ABCA5: variants seen among roughly 807,000 people sequenced by gnomAD.
ABCA5 encodes the protein ATP binding cassette subfamily A member 5, also known as cholesterol transporter ABCA5.
Under a neutral mutation model 206.0 loss-of-function variants are expected in ABCA5, and 163 were observed. The ratio of observed to expected loss-of-function variants is 0.79; its 90% CI spans 0.70 to 0.90. The LOEUF (loss-of-function observed/expected upper bound fraction) is 0.90. Ranked by LOEUF, ABCA5 falls within the 40% of genes least tolerant of loss-of-function variation. ABCA5 has a pLI of 0.00. For missense variants in ABCA5, 1,859 were observed against 1,912.9 expected, an observed-to-expected ratio of 0.97 and a Z score of 0.53; for synonymous variants, 609 against 613.8, an observed-to-expected ratio of 0.99 and a Z score of 0.11.
chr17:69,256,186 C>G lies in ABCA5; in HGVS notation c.3829G>C (p.Glu1277Gln), dbSNP rs1043644485. ...DVKAERLKVKELMGCQCCEEK... is the reference protein window; with the variant it reads ...DVKAERLKVKQLMGCQCCEEK... ...TCACAACACTGGCAACCCATCAGCTCTTTGACCTTTAGTCTTTCAGCTTTG... is the reference window on the plus strand; with the variant it reads ...TCACAACACTGGCAACCCATCAGCTGTTTGACCTTTAGTCTTTCAGCTTTG... Residue 1277 changes from glutamate (E) to glutamine (Q), a missense_variant, in exon 29 of 39, where the codon GAG becomes CAG. Physicochemically the swap from Glu to Gln is conservative, Grantham distance 29. Coordinates refer to ENST00000392676, the MANE Select transcript of ABCA5 (RefSeq NM_172232.4). 2 of 1,609,240 alleles carry G rather than the reference C, an allele frequency of 1.2e-6. No homozygotes were observed. The highest frequency in any genetic ancestry group is 3.4e-5 in the Admixed American group (2 of 59,610).
chr17:69,256,387 A>T, intron 28 of ABCA5, 104 bp from the exon 29 acceptor site: 1 of 621,468 alleles, frequency 1.6e-6, no homozygotes, highest in Non-Finnish European at 2.5e-6. Flanking sequence ...ATACACTAAC[A>T]TAAGATCTAG....
Position 69,250,455 on chromosome 17 carries a change from A to T in ABCA5, c.4685+17T>A, listed in dbSNP as rs770941358. On this transcript the variant is annotated intron_variant, in intron 36 of 38. Transcript: ENST00000392676. ...TTGCTCTATAAAGAAATATAACCAC[A>T]TTCTTTAAAATTTTACCTTTCCTGA... 1.3e-6 allele frequency: 2 copies of T among 1,594,244 alleles called. No individual in the cohort carries two copies. The highest frequency in any genetic ancestry group is 3.7e-5 in the Admixed American group (2 of 54,578).
At chr17:69,265,965 A>G (rs1191557433) in intron 23 of ABCA5, among the ~76,000 whole-genome samples, 3 of 152,212 alleles carry the variant, frequency 2.0e-5, no homozygotes, top group Non-Finnish European at 2.9e-5. Flanking sequence ...GTTTACACAA[A>G]ACCTGTATGC....
intron 2 of ABCA5, 29 bp from the exon 3 acceptor site, chr17:69,313,325 A>C: frequency 1.9e-6 from 2 of 1,071,708 alleles, no homozygotes; most frequent in Non-Finnish European, 2.6e-6. Context: ...AGTAATTACA[A>C]AGTATAACAA....
intron 1 of ABCA5, among the ~76,000 whole-genome samples, chr17:69,319,149 A>G (rs572203264): frequency 9.2e-5 from 14 of 152,204 alleles, no homozygotes; most frequent in Non-Finnish European, 1.9e-4. Flanking sequence ...AAGAGTTGAT[A>G]ATAGGAGGGA....
In ABCA5 at chr17:69,246,994, C is replaced by G. The variant is rs1250688795; in HGVS notation, c.*543G>C. The G allele has an allele frequency of 3.9e-5, 6 of 151,982 alleles. No individual in the cohort carries two copies. The highest frequency in any genetic ancestry group is 3.9e-4 in the Admixed American group (6 of 15,254). 9.4% of individuals were successfully genotyped at this position (151,982 alleles called of 1,614,324 possible). A position where few individuals can be genotyped will look rare whatever the true frequency, so the allele number is the denominator to read the frequency against. ...AATGACTGCCACCTAGTGGATATAACTTTCCTCAAATCTCTATATTGAGAT... is the reference window on the plus strand; with the variant it reads ...AATGACTGCCACCTAGTGGATATAAGTTTCCTCAAATCTCTATATTGAGAT... On this transcript the variant is annotated 3_prime_UTR_variant, in exon 39 of 39. Transcript: ENST00000392676.
In ABCA5 at chr17:69,289,998, T is replaced by C. The variant is rs1316532641; in HGVS notation, c.1646A>G (p.Asp549Gly). 6 of 1,611,972 alleles carry C rather than the reference T, an allele frequency of 3.7e-6. No homozygotes were observed. Among genetic ancestry groups the C allele is most frequent in the Admixed American group, 3.3e-5 (2 of 59,886 alleles). ...CATTTTTCTTGCTTCAAACATTTCA[T>C]CTATTTCTGAGACTCTGTGTCCATA... is the stretch of plus-strand genomic sequence containing the variant. ...SIYGHRVSEI[D>G]EMFEARKMIG... Residue 549 changes from aspartate to glycine, a missense_variant, in exon 13 of 39, where the codon GAT (aspartate) becomes GGT (glycine). By Grantham distance (94) the Asp-to-Gly change is moderately conservative. Coordinates refer to ENST00000392676, the MANE Select transcript of ABCA5 (RefSeq NM_172232.4).
At position 69,246,617 on chromosome 17, in the gene ABCA5, A is replaced by G. The variant is rs2074955021; in HGVS notation, c.*920T>C. On this transcript the variant is annotated 3_prime_UTR_variant, in exon 39 of 39. Coordinates refer to ENST00000392676, the MANE Select transcript of ABCA5 (RefSeq NM_172232.4). Reference sequence around the variant, plus strand: ...ACTGATCTACTTACAATTTTATAGAAGAGATTCACTAAAGTTTACCAATAA... The same window carrying G: ...ACTGATCTACTTACAATTTTATAGAGGAGATTCACTAAAGTTTACCAATAA... The G allele has an allele frequency of 6.6e-6, 1 of 151,966 alleles. No individual in the cohort carries two copies. Among genetic ancestry groups the G allele is most frequent in the African/African-American group, 2.4e-5 (1 of 41,448 alleles). 9.4% of individuals were successfully genotyped at this position (151,966 alleles called of 1,614,324 possible). A position where few individuals can be genotyped will look rare whatever the true frequency, so the allele number is the denominator to read the frequency against.
At position 69,270,746 on chromosome 17, in the gene ABCA5, T is replaced by C. The variant is rs147866476; in HGVS notation, c.2897A>G (p.Tyr966Cys). 8.4e-6 allele frequency: 13 copies of C among 1,540,370 alleles called. No individual in the cohort carries two copies. The African/African-American group carries it at 8.5e-5, about 10-fold the overall frequency. Residue 966 changes from tyrosine (Y) to cysteine (C), a missense_variant, in exon 22 of 39, where the codon TAT becomes TGT. Physicochemically the swap from Tyr to Cys is radical, Grantham distance 194. Transcript: ENST00000392676. Reference protein sequence around the residue: ...ALNVMHSEKDYVFAAVFNSTM... With the variant: ...ALNVMHSEKDCVFAAVFNSTM... ...ACTGTTGAAAACAGCTGCAAAAACATAGTCCTACAATTAAAAAAAAGACAC... is the reference window on the plus strand; with the variant it reads ...ACTGTTGAAAACAGCTGCAAAAACACAGTCCTACAATTAAAAAAAAGACAC...
At chr17:69,252,288 C>T (rs2075024101) in intron 34 of ABCA5, among the ~76,000 whole-genome samples, 1 of 151,956 alleles carries the variant, frequency 6.6e-6, no homozygotes, top group African/African-American at 2.4e-5. Context: ...GCTGGGATTA[C>T]AGGCGTGAGC....
At chr17:69,297,898 A>G (rs2075600370) in intron 9 of ABCA5, among the ~76,000 whole-genome samples, 3 of 152,168 alleles carry the variant, frequency 2.0e-5, no homozygotes. Context: ...AATGGTATAC[A>G]ATGAGGCCAG....
intron 1 of ABCA5, among the ~76,000 whole-genome samples, chr17:69,320,614 G>A (rs1460311218): frequency 1.3e-5 from 2 of 152,090 alleles, no homozygotes; most frequent in Non-Finnish European, 2.9e-5. Context: ...TGATTGAAAA[G>A]AATGAAACAT....
At chr17:69,268,110 AGATATATCTTAG>A (rs57193751) in intron 22 of ABCA5, 54 bp from the exon 23 acceptor site, 94,940 of 804,180 alleles carry the variant, frequency 0.12, 6,704 homozygotes, top group African/African-American at 0.22. Flanking sequence ...TTATATCTTA[AGATATATCTTAG>A]GATATATCTT....
At chr17:69,281,047 A>AAT (rs2075386931) in intron 18 of ABCA5, among the ~76,000 whole-genome samples, 13 of 140,826 alleles carry the variant, frequency 9.2e-5, no homozygotes, top group African/African-American at 3.0e-4. Flanking sequence ...AAAAAAAATA[A>AAT]AAATAAATAA....
chr17:69,282,678 A>G (rs2075408021), intron 18 of ABCA5, among the ~76,000 whole-genome samples: 1 of 151,310 alleles, frequency 6.6e-6, no homozygotes. Context: ...CTGAGGCAGC[A>G]GGAGAATCAC....
At position 69,268,053 on chromosome 17, in the gene ABCA5, T is replaced by C. The variant is rs1218256055; in HGVS notation, c.3034A>G (p.Ile1012Val). The C allele has an allele frequency of 1.3e-6, 2 of 1,511,458 alleles. No homozygotes were observed. Among genetic ancestry groups the C allele is most frequent in the Admixed American group, 1.7e-5 (1 of 59,458 alleles). The allele number at this position is 1,511,458 out of a possible 1,614,324, so 93.6% of individuals were successfully genotyped here. ...QIWSTPFFQE[I>V]TDIVFKIELY... ...TCAATTTTAAAAACTATATCAGTAA[T>C]TTCCTGAAAGACAACCACAGAGTAA... Residue 1012 changes from isoleucine (I) to valine (V), a missense_variant, in exon 23 of 39, where the codon ATT becomes GTT. Physicochemically the swap from Ile to Val is conservative, Grantham distance 29. Transcript: ENST00000392676.
At chr17:69,290,798 C>T (rs1251912349) in intron 12 of ABCA5, among the ~76,000 whole-genome samples, 2 of 152,010 alleles carry the variant, frequency 1.3e-5, no homozygotes, top group Non-Finnish European at 2.9e-5. Flanking sequence ...TGAGGTATGC[C>T]TTTAAAATTC....
At chr17:69,299,664 A>G (rs576723242) in intron 9 of ABCA5, among the ~76,000 whole-genome samples, 1 of 152,032 alleles carries the variant, frequency 6.6e-6, no homozygotes, top group Non-Finnish European at 1.5e-5. Context: ...ACACAAAGAC[A>G]TAAGAACGAT....
chr17:69,292,382 TTTTTAA>T (rs1178977370), intron 11 of ABCA5, among the ~76,000 whole-genome samples: 1 of 152,240 alleles, frequency 6.6e-6, no homozygotes, highest in African/African-American at 2.4e-5. Context: ...CTAAATGCTA[TTTTTAA>T]TTTTAATTTC....
Sources: gnomAD v4.1 joint callset for allele counts (sites outside exome capture counted in the v4.1 genomes callset) on GRCh38, gnomAD v4.1.1 for gene constraint, MANE v1.5 for transcripts, NCBI Gene and HGNC (gene_info 2026-07-23, HGNC 2026-07-21) for gene names.